CCDC88C: variants seen among roughly 807,000 people sequenced by gnomAD.
CCDC88C encodes coiled-coil and HOOK domain protein 88C, also known as protein Daple.
Under a neutral mutation model 198.8 loss-of-function variants are expected in CCDC88C, and 131 were observed. The observed-to-expected ratio is 0.66, with a 90% CI of 0.57 to 0.76. CCDC88C has a LOEUF of 0.76. Among genes scored for constraint, CCDC88C ranks in the 30% least tolerant of loss-of-function variants. CCDC88C has a pLI of 0.00. For synonymous variants in CCDC88C, 1,166 were observed against 1,114.7 expected (o/e 1.05, Z -0.92); for missense variants, 2,553 against 2,631.6 (o/e 0.97, Z 0.65).
rs1174581965 is a variant in CCDC88C, at chr14:91,303,679, C to T, written c.3635+22G>A. On this transcript the variant is annotated intron_variant, in intron 20 of 29. Coordinates refer to ENST00000389857, the MANE Select transcript of CCDC88C (RefSeq NM_001080414.4). ...TCTGGACTCTACCCCTCCCCAGATC[C>T]CCTTCCTTCCCCAGGCCCTACCTCT... 2.6e-6 allele frequency: 4 copies of T among 1,546,448 alleles called. No individual in the cohort carries two copies. The East Asian group carries it at 9.6e-5, about 37-fold the overall frequency.
At chr14:91,388,124 A>G (rs1007801250) in intron 3 of CCDC88C, among the ~76,000 whole-genome samples, 1 of 152,212 alleles carries the variant, frequency 6.6e-6, no homozygotes, top group Non-Finnish European at 1.5e-5. Context: ...CATCCCCCTT[A>G]GAGTCACCAT....
rs748573245 is a variant in CCDC88C at position 91,278,080 on chromosome 14, G to A, written c.4900C>T (p.Pro1634Ser). ...GGGAGAGGCCCGTTCCGAGGCAAGG[G>A]GTACTCGTGGCGGCCGAGGGCGTTG... ...GRNALGRHEY[P>S]LPRNGPLPQE... is the part of the protein sequence containing the mutation. Residue 1634 changes from proline (P) to serine (S), a missense_variant, in exon 29 of 30, where the codon CCC (proline) becomes TCC (serine). By Grantham distance (74) the Pro-to-Ser change is moderately conservative (BLOSUM62 -1). This residue lies in a region of CCDC88C where 1,293 missense variants were observed against 1,219.6 expected (regional missense o/e 1.06). Coordinates refer to ENST00000389857, the MANE Select transcript of CCDC88C (RefSeq NM_001080414.4). 7.4e-6 allele frequency: 12 copies of A among 1,612,484 alleles called. No homozygotes were observed. Among genetic ancestry groups the A allele is most frequent in the African/African-American group, 2.7e-5 (2 of 74,922 alleles).
At chr14:91,416,634 C>T in intron 2 of CCDC88C, 104 bp downstream of exon 2, 1 of 826,812 alleles carries the variant, frequency 1.2e-6, no homozygotes, top group Non-Finnish European at 2.0e-6. Context: ...AGAGAACTAC[C>T]CCCCACCCCA....
chr14:91,400,206 A>AAAGAGG (rs1214924173), intron 3 of CCDC88C, among the ~76,000 whole-genome samples: 1 of 152,190 alleles, frequency 6.6e-6, no homozygotes, highest in Non-Finnish European at 1.5e-5. Flanking sequence ...AGAGAAACAG[A>AAAGAGG]AAGAGGAAGA....
At chr14:91,310,618 C>T (rs1296811183) in intron 15 of CCDC88C, among the ~76,000 whole-genome samples, 1 of 152,094 alleles carries the variant, frequency 6.6e-6, no homozygotes, top group African/African-American at 2.4e-5. Flanking sequence ...GCTATATTTC[C>T]AGGTTGGTCT....
chr14:91,387,634 G>A lies in CCDC88C; in HGVS notation c.270+21025C>T, dbSNP rs540844415. 3.3e-5 allele frequency among the ~76,000 whole-genome samples: 5 copies of A among 152,218 alleles called. No homozygotes were observed. In the East Asian group the frequency reaches 5.8e-4, roughly 18 times the overall value. On this transcript the variant is annotated intron_variant, in intron 3 of 29. Transcript: ENST00000389857. ...CAGACTAGACAGGCCTCCTCCCGTC[G>A]CTCTGACCACAAGAAGTGCACGGGC... is the stretch of plus-strand genomic sequence containing the variant.
Position 91,352,315 on chromosome 14 carries a change from G to C in CCDC88C, c.340+7327C>G, listed in dbSNP as rs146700832. On this transcript the variant is annotated intron_variant, in intron 4 of 29. Transcript: ENST00000389857. The surrounding 1 kb of genome is among the most constrained non-coding windows in gnomAD (Gnocchi z 4.2). Reference sequence around the variant, plus strand: ...GTGCTTGGAGGCCGGCGTGTGGGCCGCACTGTGACGCTCGGCTGGGCTTGG... The same window carrying C: ...GTGCTTGGAGGCCGGCGTGTGGGCCCCACTGTGACGCTCGGCTGGGCTTGG... 6.6e-6 allele frequency among the ~76,000 whole-genome samples: 1 copy of C among 152,172 alleles called. No homozygotes were observed. Among genetic ancestry groups the C allele is most frequent in the African/African-American group, 2.4e-5 (1 of 41,444 alleles).
At position 91,325,801 on chromosome 14, in the gene CCDC88C, T is replaced by A. The variant is rs1036803335; in HGVS notation, c.1197+109A>T. ...GTTGCCAGGGTTAGAACTCCTGCGC[T>A]CAAGGGATCCTCCCACCTTAGCCTC... On this transcript the variant is annotated intron_variant, in intron 11 of 29. Transcript: ENST00000389857. This position sits in a 1 kb window ranked among gnomAD's most constrained non-coding sequence, Gnocchi z 4.1. 5 of 1,136,726 alleles carry A rather than the reference T, an allele frequency of 4.4e-6. No individual in the cohort carries two copies. The highest frequency in any genetic ancestry group is 6.2e-6 in the Non-Finnish European group (5 of 810,040). The allele number at this position is 1,136,726 out of a possible 1,614,324, so 70.4% of individuals were successfully genotyped here.
At chr14:91,405,817 A>C (rs1301929035) in intron 3 of CCDC88C, among the ~76,000 whole-genome samples, 2 of 152,228 alleles carry the variant, frequency 1.3e-5, no homozygotes. Flanking sequence ...CACCGTCCAC[A>C]TGGAATGTGT....
chr14:91,277,412 A>T (rs75676561), intron 29 of CCDC88C, among the ~76,000 whole-genome samples: 2,799 of 152,328 alleles, frequency 0.018, 43 homozygotes, highest in Middle Eastern at 0.024. Flanking sequence ...GTCCATAAGT[A>T]AAGCTTTATC....
intron 6 of CCDC88C, among the ~76,000 whole-genome samples, chr14:91,340,784 GAT>G (rs1567087037): frequency 6.6e-6 from 1 of 152,070 alleles, no homozygotes; most frequent in East Asian, 1.9e-4. Context: ...AATCAACAGA[GAT>G]AGAGAAAACA....
chr14:91,358,558 G>A (rs1216490438), intron 4 of CCDC88C, among the ~76,000 whole-genome samples: 2 of 152,352 alleles, frequency 1.3e-5, no homozygotes, highest in Middle Eastern at 3.4e-3. Flanking sequence ...ACAGGTGAAA[G>A]GGACGCAAGG....
At chr14:91,305,597 C>G (rs1567063587) in intron 19 of CCDC88C, among the ~76,000 whole-genome samples, 168 bp downstream of exon 19, 1 of 152,176 alleles carries the variant, frequency 6.6e-6, no homozygotes, top group Non-Finnish European at 1.5e-5. Context: ...ACTATCACCC[C>G]CTTCACTGAT....
intron 22 of CCDC88C, among the ~76,000 whole-genome samples, chr14:91,294,566 T>G (rs780136977): frequency 6.6e-5 from 10 of 152,254 alleles, no homozygotes; most frequent in Non-Finnish European, 1.5e-4. Flanking sequence ...GCAGCTAGTC[T>G]GAATCATGAT....
At chr14:91,277,199 T>A (rs1317378059) in intron 29 of CCDC88C, among the ~76,000 whole-genome samples, 3 of 151,790 alleles carry the variant, frequency 2.0e-5, no homozygotes, top group Non-Finnish European at 4.4e-5. Flanking sequence ...TAGAGACGGG[T>A]GTATTTTTTG....
rs2139806279 is a variant in CCDC88C, at chr14:91,313,757, T to C, written c.2059A>G (p.Asn687Asp). ...TLRKSLDTLQ[N>D]VSLQLEGLER... Reference sequence around the variant, plus strand: ...AGGCCCTCAAGCTGCAGGGACACGTTCTGCAAGGTGTCCAGAGACTTCCTC... The same window carrying C: ...AGGCCCTCAAGCTGCAGGGACACGTCCTGCAAGGTGTCCAGAGACTTCCTC... The change falls in exon 15 of 30, where the codon AAC becomes GAC. Residue 687 changes from asparagine (N) to aspartate (D), a missense_variant. Physicochemically the swap from Asn to Asp is conservative, Grantham distance 23. Transcript: ENST00000389857. The surrounding 1 kb of genome is among the most constrained non-coding windows in gnomAD (Gnocchi z 5.2). 1 of 1,608,044 alleles carries C rather than the reference T, an allele frequency of 6.2e-7. No homozygotes were observed. The highest frequency in any genetic ancestry group is 8.5e-7 in the Non-Finnish European group (1 of 1,179,712).
intron 3 of CCDC88C, among the ~76,000 whole-genome samples, chr14:91,400,101 A>G (rs1886085384): frequency 1.3e-5 from 2 of 151,684 alleles, no homozygotes; most frequent in African/African-American, 4.8e-5. Flanking sequence ...GCCATATCCC[A>G]TGTCCTGCGT....
chr14:91,272,812 C>T lies in CCDC88C; in HGVS notation c.5900G>A (p.Gly1967Glu). 1.9e-6 allele frequency: 3 copies of T among 1,597,762 alleles called. No homozygotes were observed. Among genetic ancestry groups the T allele is most frequent in the Non-Finnish European group, 1.7e-6 (2 of 1,172,730 alleles). ...RAGLSLSEGD[G>E]VPGQGCSEGL... The stretch of plus-strand genomic sequence containing the variant: ...CTCACTGCAGCCCTGCCCCGGGACC[C>T]CGTCTCCCTCTGAGAGGCTGAGCCC... The change falls in exon 30 of 30, where the codon GGG becomes GAG. Residue 1967 changes from glycine to glutamate, a missense_variant. By Grantham distance (98) the Gly-to-Glu change is moderately conservative. Transcript: ENST00000389857.
At chr14:91,324,528 C>T (rs1036473174) in intron 12 of CCDC88C, among the ~76,000 whole-genome samples, 3 of 152,226 alleles carry the variant, frequency 2.0e-5, no homozygotes, top group African/African-American at 4.8e-5. Flanking sequence ...CCGGGAATGT[C>T]CATATGGGAA....
Sources: allele counts gnomAD v4.1 joint callset (sites outside exome capture counted in the v4.1 genomes callset), GRCh38; gene constraint gnomAD v4.1.1; regional missense constraint gnomAD v4.1.1; non-coding constraint Gnocchi (gnomAD v3.1); transcripts MANE v1.5; gene names NCBI Gene and HGNC (gene_info 2026-07-23, HGNC 2026-07-21).